CPQ: variants seen among roughly 807,000 people sequenced by gnomAD.
CPQ encodes the protein Ser-Met dipeptidase.
Under a neutral mutation model 45.7 loss-of-function variants are expected in CPQ, and 37 were observed. The observed-to-expected ratio is 0.81, with a 90% CI of 0.62 to 1.07. The LOEUF (loss-of-function observed/expected upper bound fraction) is 1.07. Ranked by LOEUF, CPQ falls within the 50% of genes least tolerant of loss-of-function variation. The pLI is 0.00. For synonymous variants in CPQ, 186 were observed against 205.8 expected (o/e 0.90, Z 0.82); for missense variants, 537 against 572.9 (o/e 0.94, Z 0.64).
At chr8:97,117,173 T>C (rs1811609867) in intron 7 of CPQ, among the ~76,000 whole-genome samples, 1 of 152,230 alleles carries the variant, frequency 6.6e-6, no homozygotes, top group African/African-American at 2.4e-5. Context: ...GACATTTTAA[T>C]ATATTTGGAT....
At chr8:96,691,123 G>C (rs1018790184) in intron 1 of CPQ, among the ~76,000 whole-genome samples, 1 of 151,954 alleles carries the variant, frequency 6.6e-6, no homozygotes. Context: ...GTTCTGAAAA[G>C]CTGAAGTTCT....
At chr8:96,675,361 A>G (rs936888025) in intron 1 of CPQ, among the ~76,000 whole-genome samples, 13 of 152,030 alleles carry the variant, frequency 8.6e-5, no homozygotes, top group African/African-American at 2.7e-4. Context: ...GAGGCTGTTC[A>G]ATATATGTAT....
At chr8:96,721,387 A>C (rs1366243257) in intron 1 of CPQ, among the ~76,000 whole-genome samples, 7 of 152,018 alleles carry the variant, frequency 4.6e-5, no homozygotes. Context: ...AATGCCTGAA[A>C]ATAGTTGCCT....
chr8:97,142,965 T>C, intron 7 of CPQ, 55 bp from the exon 8 acceptor site: 1 of 1,565,182 alleles, frequency 6.4e-7, no homozygotes, highest in Admixed American at 1.7e-5. Flanking sequence ...GAGGTGTGTA[T>C]TCAGCAGTGT....
At chr8:96,769,090 G>A (rs1419334964) in intron 1 of CPQ, among the ~76,000 whole-genome samples, 2 of 152,120 alleles carry the variant, frequency 1.3e-5, no homozygotes, top group East Asian at 3.9e-4. Context: ...CTGATTCAAG[G>A]AAGCCTATAT....
intron 1 of CPQ, among the ~76,000 whole-genome samples, chr8:96,724,591 GAAAGAAATC>G (rs1370851252): frequency 6.6e-6 from 1 of 151,804 alleles, no homozygotes; most frequent in Non-Finnish European, 1.5e-5. Flanking sequence ...AAACACTGCT[GAAAGAAATC>G]ATAGATAACA....
chr8:96,932,259 C>A (rs1452019470), intron 4 of CPQ, among the ~76,000 whole-genome samples: 2 of 151,632 alleles, frequency 1.3e-5, no homozygotes, highest in Non-Finnish European at 2.9e-5. Flanking sequence ...CCCTTTCTTC[C>A]CTATATAATT....
chr8:96,776,604 G>T (rs1810607898), intron 1 of CPQ, among the ~76,000 whole-genome samples: 1 of 151,958 alleles, frequency 6.6e-6, no homozygotes, highest in Non-Finnish European at 1.5e-5. Flanking sequence ...AGAATCAAAG[G>T]GCTTTGTTTT....
At chr8:97,016,324 C>T (rs1809579235) in intron 5 of CPQ, among the ~76,000 whole-genome samples, 1 of 152,132 alleles carries the variant, frequency 6.6e-6, no homozygotes, top group African/African-American at 2.4e-5. Context: ...ATCTTGGCTA[C>T]TGGGGTGTTT....
At chr8:97,044,544 G>T (rs1348069393) in intron 6 of CPQ, among the ~76,000 whole-genome samples, 1 of 152,218 alleles carries the variant, frequency 6.6e-6, no homozygotes, top group Non-Finnish European at 1.5e-5. Flanking sequence ...CCTTCCTTTG[G>T]AGGACGAGAG....
In CPQ at chr8:96,670,459, G is replaced by T. The variant is rs572460985; in HGVS notation, c.-35+25057G>T. Among the ~76,000 whole-genome samples, 3 of 152,208 alleles carry T rather than the reference G, an allele frequency of 2.0e-5. No homozygotes were observed. In the South Asian group the frequency reaches 6.2e-4, roughly 32 times the overall value. On this transcript the variant is annotated intron_variant, in intron 1 of 7. Coordinates refer to ENST00000220763, the MANE Select transcript of CPQ (RefSeq NM_016134.4). ...ATGGAATCCACAAATAATGAGGATA[G>T]ATGGTGTCATGCAAAGATCAATCAA...
intron 6 of CPQ, among the ~76,000 whole-genome samples, chr8:97,064,307 G>C (rs1810601057): frequency 6.6e-6 from 1 of 152,166 alleles, no homozygotes; most frequent in Admixed American, 6.6e-5. Context: ...GCATAGAAGG[G>C]AAGAGGCTTA....
chr8:96,898,776 T>TAAAAAAAA (rs11390361), intron 4 of CPQ, among the ~76,000 whole-genome samples: 1 of 137,646 alleles, frequency 7.3e-6, no homozygotes, highest in African/African-American at 2.7e-5. Flanking sequence ...TAGGGTATAA[T>TAAAAAAAA]AAAAAAAAAA....
intron 7 of CPQ, among the ~76,000 whole-genome samples, chr8:97,122,919 AAATAAAAT>A (rs1402518281): frequency 3.2e-5 from 2 of 62,458 alleles, no homozygotes; most frequent in African/African-American, 2.4e-4. Context: ...AAATAAAATA[AAATAAAAT>A]AAATAAAATA....
chr8:96,778,235 C>G (rs1327546497), intron 1 of CPQ, among the ~76,000 whole-genome samples: 1 of 151,814 alleles, frequency 6.6e-6, no homozygotes, highest in East Asian at 1.9e-4. Flanking sequence ...ATATTAATAT[C>G]TTGTTCCATT....
intron 2 of CPQ, among the ~76,000 whole-genome samples, chr8:96,788,487 AGCTGTT>A (rs1317279088): frequency 6.6e-6 from 1 of 152,056 alleles, no homozygotes; most frequent in East Asian, 1.9e-4. Context: ...ATGAGATGTC[AGCTGTT>A]ACAGTTTTGG....
Position 96,729,606 on chromosome 8 carries a change from C to A in CPQ, c.-34-55258C>A, listed in dbSNP as rs182138844. Among the ~76,000 whole-genome samples the A allele has an allele frequency of 4.6e-3, 705 of 152,162 alleles. 1 individual carries two copies. The highest frequency in any genetic ancestry group is 8.0e-3 in the Non-Finnish European group (545 of 67,992). ...GGATTTAACAATTGTCAACATTTTG[C>A]CATATTTGCTTCATTATTTTGTGTT... is the stretch of plus-strand genomic sequence containing the variant. On this transcript the variant is annotated intron_variant, in intron 1 of 7. Coordinates refer to ENST00000220763, the MANE Select transcript of CPQ (RefSeq NM_016134.4).
At chr8:96,994,673 G>A (rs552943493) in intron 5 of CPQ, among the ~76,000 whole-genome samples, 20 of 152,102 alleles carry the variant, frequency 1.3e-4, no homozygotes, top group Admixed American at 3.9e-4. Context: ...CTGGCATATA[G>A]AAGTAGCCCA....
At chr8:96,851,544 C>T (rs1285414436) in intron 3 of CPQ, among the ~76,000 whole-genome samples, 2 of 152,146 alleles carry the variant, frequency 1.3e-5, no homozygotes, top group Non-Finnish European at 2.9e-5. Context: ...GCTGTGTCCT[C>T]ACATGTGGAA....
Sources: gnomAD v4.1 joint callset for allele counts (sites outside exome capture counted in the v4.1 genomes callset) on GRCh38, gnomAD v4.1.1 for gene constraint, MANE v1.5 for transcripts, NCBI Gene and HGNC (gene_info 2026-07-23, HGNC 2026-07-21) for gene names.